The following VWA5B1 variants were observed in gnomAD, a reference collection of about 807,000 sequenced individuals.
VWA5B1 encodes the protein von Willebrand factor A domain containing 5B1, also known as von Willebrand factor A domain-containing protein 5B1.
VWA5B1 carries 115 observed loss-of-function variants against 118.2 expected under a neutral mutation model. That is an observed-to-expected ratio of 0.97 (90% CI 0.84 to 1.14). VWA5B1 has a LOEUF of 1.14. VWA5B1 is among the 50% of genes most tolerant of loss of function. The pLI is 0.00. For synonymous variants in VWA5B1, 682 were observed against 658.4 expected (o/e 1.04, Z -0.55); for missense variants, 1,596 against 1,603.8 (o/e 1.00, Z 0.08).
chr1:20,322,210 G>A (rs945850917), intron 7 of VWA5B1, among the ~76,000 whole-genome samples: 3 of 152,228 alleles, frequency 2.0e-5, no homozygotes, highest in East Asian at 1.9e-4. Context: ...ACTGTTAGGC[G>A]TTTGGTTTGA....
In VWA5B1 at chr1:20,343,241, G is replaced by T. The variant is rs749853632; in HGVS notation, c.2474G>T (p.Trp825Leu). The stretch of plus-strand genomic sequence containing the variant: ...CTGCACGACAGCCAACGCCTGCAGT[G>T]GGAGGTGAGCTTCGAGCTGGGGACC... ...KGLHDSQRLQ[W>L]EVSFELGTPG... The change falls in exon 16 of 22, where the codon TGG becomes TTG. Residue 825 changes from tryptophan to leucine, a missense_variant. Trp to Leu is a moderately conservative substitution (Grantham distance 61). Coordinates refer to ENST00000289815, the MANE Select transcript of VWA5B1 (RefSeq NM_001039500.3). The T allele has an allele frequency of 1.3e-6, 2 of 1,549,138 alleles. No homozygotes were observed. Among genetic ancestry groups the T allele is most frequent in the South Asian group, 2.4e-5 (2 of 84,056 alleles).
chr1:20,308,283 A>T (rs1421618913), intron 1 of VWA5B1, among the ~76,000 whole-genome samples: 1 of 152,096 alleles, frequency 6.6e-6, no homozygotes, highest in Non-Finnish European at 1.5e-5. Flanking sequence ...ATCAGATGAG[A>T]TGTCCCTCAT....
chr1:20,333,343 G>A (rs1377081078), intron 12 of VWA5B1, among the ~76,000 whole-genome samples: 1 of 152,218 alleles, frequency 6.6e-6, no homozygotes, highest in Non-Finnish European at 1.5e-5. Flanking sequence ...CAGACATGGT[G>A]GCAGGCACCT....
chr1:20,344,325 C>T (rs751759766), intron 16 of VWA5B1, among the ~76,000 whole-genome samples: 1 of 152,114 alleles, frequency 6.6e-6, no homozygotes, highest in Non-Finnish European at 1.5e-5. Flanking sequence ...TCCTCCAAGT[C>T]CCCCAGTCCA....
chr1:20,342,478 G>T lies in VWA5B1; in HGVS notation c.2180G>T (p.Arg727Leu), dbSNP rs1053199958. The T allele has an allele frequency of 1.9e-6, 3 of 1,551,030 alleles. No individual in the cohort carries two copies. Among genetic ancestry groups the T allele is most frequent in the Non-Finnish European group, 2.6e-6 (3 of 1,146,854 alleles). The change falls in exon 15 of 22, where the codon CGT (arginine) becomes CTT (leucine). Residue 727 changes from arginine (R) to leucine (L), a missense_variant. Coordinates refer to ENST00000289815, the MANE Select transcript of VWA5B1 (RefSeq NM_001039500.3). Reference protein sequence around the residue: ...GQDLNQGPKLRGPGARRPSLL... With the variant: ...GQDLNQGPKLLGPGARRPSLL... ...GACCTGAACCAGGGCCCCAAACTCC[G>T]TGGCCCAGGGGCCCGAAGGCCCTCT... is the stretch of plus-strand genomic sequence containing the variant.
rs1330389904 is a variant in VWA5B1 at position 20,330,200 on chromosome 1, T to C, written c.1275T>C (p.Cys425=). Residue 425 remains cysteine, a synonymous_variant, in exon 10 of 22, where the codon TGT becomes TGC. Coordinates refer to ENST00000289815, the MANE Select transcript of VWA5B1 (RefSeq NM_001039500.3). ...TGCAGGACAGCTTGGCCATGGCTTG[T>C]GATGACATCCAGAGAATGAAGGCCG... ...TYSEDSLAMA[C]DDIQRMKADM... 6 of 1,551,628 alleles carry C rather than the reference T, an allele frequency of 3.9e-6. No homozygotes were observed. Among genetic ancestry groups the C allele is most frequent in the South Asian group, 1.2e-5 (1 of 84,060 alleles).
At position 20,338,074 on chromosome 1, in the gene VWA5B1, G is replaced by A. The variant is rs987009870; in HGVS notation, c.2133+238G>A. ...TGCACACACACTGCCCAGTTGGCAAGGAACATTTGCATGTGCTCTTTCATT... is the reference window on the plus strand; with the variant it reads ...TGCACACACACTGCCCAGTTGGCAAAGAACATTTGCATGTGCTCTTTCATT... On this transcript the variant is annotated intron_variant, in intron 14 of 21. Transcript: ENST00000289815. 7 of 672,192 alleles carry A rather than the reference G, an allele frequency of 1.0e-5. No homozygotes were observed. In the East Asian group the frequency reaches 1.8e-4, roughly 17 times the overall value. 41.6% of individuals were successfully genotyped at this position (672,192 alleles called of 1,614,324 possible).
intron 17 of VWA5B1, among the ~76,000 whole-genome samples, chr1:20,346,037 T>C (rs1325702257): frequency 1.3e-5 from 2 of 152,236 alleles, no homozygotes; most frequent in Non-Finnish European, 2.9e-5. Flanking sequence ...CAGATCATTT[T>C]ACATGAATTG....
chr1:20,342,662 C>T, intron 15 of VWA5B1, 53 bp downstream of exon 15: 1 of 1,439,156 alleles, frequency 6.9e-7, no homozygotes, highest in Non-Finnish European at 9.1e-7. Context: ...GAATCACTGG[C>T]TGTTGTTCAA....
Position 20,310,688 on chromosome 1 carries a change from G to T in VWA5B1, c.87G>T (p.Leu29=). The T allele has an allele frequency of 6.4e-7, 1 of 1,551,032 alleles. No individual in the cohort carries two copies. Among genetic ancestry groups the T allele is most frequent in the South Asian group, 1.2e-5 (1 of 83,962 alleles). ...CCTCCTGTGTCAGCGGTTATGCCCT[G>T]GGCCTAACTGCCTCCCTCACCTATG... ...DVTSCVSGYA[L]GLTASLTYGN... Residue 29 remains leucine, a synonymous_variant, in exon 2 of 22, where the codon CTG becomes CTT. Transcript: ENST00000289815.
rs535491145 is a variant in VWA5B1, at chr1:20,324,693, T to G, written c.1143+1161T>G. 2.0e-5 allele frequency among the ~76,000 whole-genome samples: 3 copies of G among 152,086 alleles called. 1 individual carries two copies. The South Asian group carries it at 6.2e-4, about 32-fold the overall frequency. ...TTTGTTCCCAGAGCAAGCTCTTGTT[T>G]CCAGGGCAGCAAGCTCAGCAAGGAG... On this transcript the variant is annotated intron_variant, in intron 8 of 21. Transcript: ENST00000289815.
At chr1:20,351,959 C>A in intron 20 of VWA5B1, 96 bp from the exon 21 acceptor site, 1 of 851,760 alleles carries the variant, frequency 1.2e-6, no homozygotes. Flanking sequence ...CTGGAGGGAG[C>A]CATCTATTGC....
rs2088947853 is a variant in VWA5B1, at chr1:20,314,588, C to T, written c.559C>T (p.Gln187Ter). 6.4e-7 allele frequency: 1 copy of T among 1,551,114 alleles called. No homozygotes were observed. Among genetic ancestry groups the T allele is most frequent in the Admixed American group, 2.0e-5 (1 of 50,974 alleles). Reference sequence around the variant, plus strand: ...CACTGGCACCTCCAACCAACAGGCCCAGGGGTAAGGAAGCCCTGCCCAGAC... The same window carrying T: ...CACTGGCACCTCCAACCAACAGGCCTAGGGGTAAGGAAGCCCTGCCCAGAC... ...KSTGTSNQQA[Q>*]GKDRHCFGAW... The change falls in exon 4 of 22, where the codon CAG (glutamine) becomes TAG (stop). Residue 187 changes from glutamine (Q) to a stop codon, truncating the protein, a stop_gained. Transcript: ENST00000289815. LOFTEE classifies it high-confidence loss of function.
chr1:20,319,366 G>A lies in VWA5B1; in HGVS notation c.842-16G>A, dbSNP rs1259220665. On this transcript the variant is annotated splice_polypyrimidine_tract_variant and intron_variant, in intron 6 of 21. Coordinates refer to ENST00000289815, the MANE Select transcript of VWA5B1 (RefSeq NM_001039500.3). ...GATACCTGGCCAAGTGCTGAAAGTC[G>A]ATCTCATCTCTGCAGAGCCCCATAT... The A allele has an allele frequency of 1.0e-5, 16 of 1,550,850 alleles. No homozygotes were observed. The highest frequency in any genetic ancestry group is 1.7e-4 in the Middle Eastern group (1 of 6,002).
rs1401903166 is a variant in VWA5B1, at chr1:20,352,166, A to G, written c.3135A>G (p.Ile1045Met). Residue 1045 changes from isoleucine to methionine, a missense_variant, in exon 21 of 22, where the codon ATA becomes ATG. By Grantham distance (10) the Ile-to-Met change is conservative. Coordinates refer to ENST00000289815, the MANE Select transcript of VWA5B1 (RefSeq NM_001039500.3). Reference protein sequence around the residue: ...STSGNQSFDYIPLVSLQLASG... With the variant: ...STSGNQSFDYMPLVSLQLASG... ...CCGGGAACCAGAGCTTCGACTACATACCTCTGGTGAGTGCCCTGACCCCAG... is the reference window on the plus strand; with the variant it reads ...CCGGGAACCAGAGCTTCGACTACATGCCTCTGGTGAGTGCCCTGACCCCAG... 1 of 1,550,334 alleles carries G rather than the reference A, an allele frequency of 6.5e-7. No individual in the cohort carries two copies. Among genetic ancestry groups the G allele is most frequent in the East Asian group, 2.4e-5 (1 of 40,828 alleles).
At chr1:20,338,436 AC>A (rs2089784048) in intron 14 of VWA5B1, 1 of 189,210 alleles carries the variant, frequency 5.3e-6, no homozygotes, top group Admixed American at 5.5e-5. Context: ...TGCAACCTCT[AC>A]CTCCTAGGTT....
intron 18 of VWA5B1, 91 bp downstream of exon 18, chr1:20,348,449 G>A: frequency 7.5e-7 from 1 of 1,334,896 alleles, no homozygotes; most frequent in Non-Finnish European, 1.1e-6. Context: ...CGAGGCCCTA[G>A]GACCACTCTC....
chr1:20,314,459 T>C lies in VWA5B1; in HGVS notation c.430T>C (p.Phe144Leu). Reference protein sequence around the residue: ...TIAPMENVTIFISTSSELPTL... With the variant: ...TIAPMENVTILISTSSELPTL... ...TGCCCCCATGGAGAATGTCACCATC[T>C]TCATCAGCACCTCCTCGGAGCTCCC... Residue 144 changes from phenylalanine to leucine, a missense_variant, in exon 4 of 22, where the codon TTC becomes CTC. Coordinates refer to ENST00000289815, the MANE Select transcript of VWA5B1 (RefSeq NM_001039500.3). 1 of 1,551,792 alleles carries C rather than the reference T, an allele frequency of 6.4e-7. No homozygotes were observed.
chr1:20,303,896 G>C (rs752246680), intron 1 of VWA5B1, among the ~76,000 whole-genome samples: 2 of 152,220 alleles, frequency 1.3e-5, no homozygotes, highest in Non-Finnish European at 1.5e-5. Context: ...AGCAGCCTGA[G>C]CAGGGGAAAT....
Sources: gnomAD v4.1 joint callset for allele counts (sites outside exome capture counted in the v4.1 genomes callset) on GRCh38, gnomAD v4.1.1 for gene constraint, MANE v1.5 for transcripts, NCBI Gene and HGNC (gene_info 2026-07-23, HGNC 2026-07-21) for gene names.